The following TONSL variants were observed in gnomAD, a reference collection of about 807,000 sequenced individuals.
TONSL encodes tonsoku like, DNA repair protein, also known as tonsoku-like protein.
Under a neutral mutation model 147.1 loss-of-function variants are expected in TONSL, and 112 were observed. The observed-to-expected ratio is 0.76, with a 90% confidence interval of 0.65 to 0.89. The LOEUF is 0.89. TONSL is among the 40% of genes least tolerant of loss of function. The pLI is 0.00. For missense variants in TONSL, 1,883 were observed against 1,864.6 expected (o/e 1.01, Z -0.18); for synonymous variants, 868 against 801.5 (o/e 1.08, Z -1.40).
rs535216627 is a variant in TONSL at position 144,431,283 on chromosome 8, A to G, written c.3736-132T>C. On this transcript the variant is annotated intron_variant, in intron 23 of 25. Coordinates refer to ENST00000409379, the MANE Select transcript of TONSL (RefSeq NM_013432.5). ...CCCATCAAGTTGGAGATCGGAAGGA[A>G]ACACCTCTCCTGATGTGGGTCACAC... 4.0e-5 allele frequency: 30 copies of G among 746,190 alleles called. No homozygotes were observed. The East Asian group carries it at 6.7e-4, about 17-fold the overall frequency. The allele number at this position is 746,190 out of a possible 1,614,324, so 46.2% of individuals were successfully genotyped here. A position where few individuals can be genotyped will look rare whatever the true frequency, so the allele number is the denominator to read the frequency against.
chr8:144,439,216 G>A (rs1316876631), intron 11 of TONSL, among the ~76,000 whole-genome samples: 3 of 152,022 alleles, frequency 2.0e-5, no homozygotes, highest in East Asian at 1.9e-4. Context: ...AGACACACCC[G>A]CCTCCGTCCC....
chr8:144,443,937 T>A lies in TONSL; in HGVS notation c.209A>T (p.His70Leu). 5 of 1,544,394 alleles carry A rather than the reference T, an allele frequency of 3.2e-6. No homozygotes were observed. The highest frequency in any genetic ancestry group is 4.4e-6 in the Non-Finnish European group (5 of 1,146,658). Residue 70 changes from histidine to leucine, a missense_variant, in exon 3 of 26, where the codon CAC (histidine) becomes CTC (leucine). His to Leu is a moderately conservative substitution (Grantham distance 99). Coordinates refer to ENST00000409379, the MANE Select transcript of TONSL (RefSeq NM_013432.5). ...GGCCAGGCGCTCTCCGATCTTGCGG[T>A]GGGCCACGGCACAGCCCAGAGGGTC... ...ADDPLGCAVA[H>L]RKIGERLAEM...
Position 144,436,387 on chromosome 8 carries a change from T to A in TONSL, c.2046A>T (p.Pro682=), listed in dbSNP as rs940291673. 4 of 1,504,448 alleles carry A rather than the reference T, an allele frequency of 2.7e-6. No individual in the cohort carries two copies. The African/African-American group carries it at 5.6e-5, about 21-fold the overall frequency. The allele number at this position is 1,504,448 out of a possible 1,614,324, so 93.2% of individuals were successfully genotyped here. A position where few individuals can be genotyped will look rare whatever the true frequency, so the allele number is the denominator to read the frequency against. The part of the protein sequence containing the change: ...DPHSSQAFHT[P]SSLLFDPETS... The stretch of plus-strand genomic sequence containing the variant: ...TCTCGGGGTCAAACAGAAGGCTGCT[T>A]GGGGTGTGGAAGGCCTGGGAGCTGT... Residue 682 remains proline (P), a synonymous_variant, in exon 17 of 26, where the codon CCA becomes CCT. Transcript: ENST00000409379.
chr8:144,441,594 G>GAA, intron 7 of TONSL: 4 of 185,976 alleles, frequency 2.2e-5, no homozygotes, highest in East Asian at 1.5e-4. Context: ...TCCGTCTCAA[G>GAA]AAAAAAAAAC....
intron 22 of TONSL, chr8:144,433,219 T>G (rs1460410636): frequency 1.1e-5 from 2 of 187,932 alleles, no homozygotes; most frequent in Non-Finnish European, 2.3e-5. Flanking sequence ...TAGCTGGGAC[T>G]ACAGGCACCG....
chr8:144,435,637 G>A (rs754693378), intron 17 of TONSL, 21 bp downstream of exon 17: 1 of 1,589,584 alleles, frequency 6.3e-7, no homozygotes. Flanking sequence ...AGAGGGCTCT[G>A]CTCCAGGTCT....
rs770300295 is a variant in TONSL at position 144,440,455 on chromosome 8, T to A, written c.1186A>T (p.Ile396Phe). The stretch of plus-strand genomic sequence containing the variant: ...CCGGCCTCCTCGCGGGACAGTGCAA[T>A]GTTCAGCCAGGTCTTGGCCTCCTGG... ...VLEEAKTWLN[I>F]ALSREEAGDA... The change falls in exon 10 of 26, where the codon ATT becomes TTT. Residue 396 changes from isoleucine to phenylalanine, a missense_variant. Transcript: ENST00000409379. The A allele has an allele frequency of 3.7e-6, 6 of 1,603,080 alleles. No homozygotes were observed. The highest frequency in any genetic ancestry group is 4.3e-6 in the Non-Finnish European group (5 of 1,173,220).
rs1305746004 is a variant in TONSL at position 144,437,166 on chromosome 8, T to C, written c.1654-67A>G. The C allele has an allele frequency of 2.6e-6, 4 of 1,519,530 alleles. No individual in the cohort carries two copies. The Admixed American group carries it at 7.3e-5, about 28-fold the overall frequency. 94.1% of individuals were successfully genotyped at this position (1,519,530 alleles called of 1,614,324 possible). ...ACAGCCTGGCCCCAGCCCCGTGAGC[T>C]CTGCAGCCTAAGCTGAGCCCAGGGC... On this transcript the variant is annotated intron_variant, in intron 13 of 25. Coordinates refer to ENST00000409379, the MANE Select transcript of TONSL (RefSeq NM_013432.5).
Position 144,430,412 on chromosome 8 carries a change from C to A in TONSL, c.3935G>T (p.Gly1312Val). The change falls in exon 25 of 26, where the codon GGC becomes GTC. Residue 1312 changes from glycine (G) to valine (V), a missense_variant. Transcript: ENST00000409379. The stretch of plus-strand genomic sequence containing the variant: ...ACCATACCAGCACTCACCTGACAGG[C>A]CAAGGAAGCTAAGGCCTTGGGGCCG... ...QKRPQGLSFL[G>V]LSGCAVQGPL... 1 of 1,607,252 alleles carries A rather than the reference C, an allele frequency of 6.2e-7. No homozygotes were observed. The highest frequency in any genetic ancestry group is 8.5e-7 in the Non-Finnish European group (1 of 1,176,940).
At chr8:144,434,493 A>G (rs1362044700) in intron 20 of TONSL, among the ~76,000 whole-genome samples, 1 of 152,128 alleles carries the variant, frequency 6.6e-6, no homozygotes, top group African/African-American at 2.4e-5. Context: ...AGTCACTGCC[A>G]GATTCCACAC....
rs777239143 is a variant in TONSL, at chr8:144,443,275, G to A, written c.311C>T (p.Thr104Met). 9.0e-6 allele frequency: 14 copies of A among 1,550,732 alleles called. No individual in the cohort carries two copies. Among genetic ancestry groups the A allele is most frequent in the Middle Eastern group, 1.7e-4 (1 of 5,990 alleles). ...LELAHSLRNH[T>M]ELQRAWATIG... ...GGTGGCCCAGGCCCTCTGCAGCTCC[G>A]TGTGGTTGCGCAGGGAATGTGCCAG... The change falls in exon 4 of 26, where the codon ACG becomes ATG. Residue 104 changes from threonine to methionine, a missense_variant. Transcript: ENST00000409379.
At chr8:144,434,663 A>G in intron 20 of TONSL, 148 bp downstream of exon 20, 1 of 824,024 alleles carries the variant, frequency 1.2e-6, no homozygotes, top group South Asian at 1.8e-5. Flanking sequence ...CCACCCACAC[A>G]TCCAAGTGCA....
rs1586696560 is a variant in TONSL at position 144,441,720 on chromosome 8, G to A, written c.865+317C>T. The A allele has an allele frequency of 1.6e-5, 5 of 318,620 alleles. No individual in the cohort carries two copies. In the East Asian group the frequency reaches 4.1e-4, roughly 26 times the overall value. 19.7% of individuals were successfully genotyped at this position (318,620 alleles called of 1,614,324 possible). A position where few individuals can be genotyped will look rare whatever the true frequency, so the allele number is the denominator to read the frequency against. On this transcript the variant is annotated intron_variant, in intron 7 of 25. Transcript: ENST00000409379. ...GCGTGCCATCTCCTCTCCCACCCTG[G>A]GAGGCTAGGGGTACAACTACTGTCT...
At chr8:144,437,149 G>T (rs1262118945) in intron 13 of TONSL, 50 bp from the exon 14 acceptor site, 4 of 1,577,712 alleles carry the variant, frequency 2.5e-6, no homozygotes, top group Admixed American at 1.8e-5. Context: ...TCACAGCCTG[G>T]CCCCAGCCCC....
chr8:144,443,462 G>T (rs559667044), intron 3 of TONSL, 141 bp from the exon 4 acceptor site: 4 of 773,078 alleles, frequency 5.2e-6, no homozygotes, highest in Non-Finnish European at 8.1e-6. Context: ...GGCCAGACAC[G>T]TGCCCCTCCT....
intron 3 of TONSL, 85 bp from the exon 4 acceptor site, chr8:144,443,406 G>C: frequency 2.2e-6 from 3 of 1,346,312 alleles, no homozygotes; most frequent in Non-Finnish European, 3.0e-6. Flanking sequence ...CCCTGTTCTT[G>C]CTAAGGAAAG....
Position 144,437,060 on chromosome 8 carries a change from G to T in TONSL, c.1693C>A (p.Pro565Thr). The change falls in exon 14 of 26, where the codon CCT becomes ACT. Residue 565 changes from proline to threonine, a missense_variant. Coordinates refer to ENST00000409379, the MANE Select transcript of TONSL (RefSeq NM_013432.5). ...CCGTAGTTGCAGGCCTCGTGCAGAG[G>T]TGTCCAGCCACAGTAGTCCCGAGGG... is the stretch of plus-strand genomic sequence containing the variant. ...LNPRDYCGWT[P>T]LHEACNYGHL... The T allele has an allele frequency of 6.2e-7, 1 of 1,613,218 alleles. No homozygotes were observed. Among genetic ancestry groups the T allele is most frequent in the Non-Finnish European group, 8.5e-7 (1 of 1,179,986 alleles).
At chr8:144,438,104 G>A in intron 13 of TONSL, 1 of 271,546 alleles carries the variant, frequency 3.7e-6, no homozygotes, top group Non-Finnish European at 7.1e-6. Flanking sequence ...TCTTGCCAGG[G>A]TGCCCAGGCT....
At chr8:144,442,631 AG>A in intron 5 of TONSL, 45 bp downstream of exon 5, 1 of 1,591,310 alleles carries the variant, frequency 6.3e-7, no homozygotes, top group Non-Finnish European at 8.6e-7. Flanking sequence ...TACTTCCTCC[AG>A]GAACAAGGGA....
Sources: gnomAD v4.1 joint callset for allele counts (sites outside exome capture counted in the v4.1 genomes callset) on GRCh38, gnomAD v4.1.1 for gene constraint, MANE v1.5 for transcripts, NCBI Gene and HGNC (gene_info 2026-07-23, HGNC 2026-07-21) for gene names.